Variants in TCAIM observed in about 807,000 individuals in gnomAD.
The protein encoded by TCAIM is T-cell activation inhibitor, mitochondrial.
A neutral mutation model predicts 58.6 loss-of-function variants in TCAIM; 36 were observed. The ratio of observed to expected loss-of-function variants is 0.61; its 90% CI spans 0.47 to 0.81. TCAIM has a LOEUF of 0.81. TCAIM is among the 30% of genes least tolerant of loss of function. The pLI is 0.00. For synonymous variants in TCAIM, 172 were observed against 193.6 expected (o/e 0.89, Z 0.93); for missense variants, 466 against 579.6 (o/e 0.80, Z 2.01).
intron 5 of TCAIM, among the ~76,000 whole-genome samples, chr3:44,372,719 G>T (rs935135544): frequency 2.6e-5 from 4 of 151,386 alleles, no homozygotes; most frequent in Non-Finnish European, 5.9e-5. Context: ...TCAACCTCCC[G>T]AGTAGCTGGG....
Position 44,344,299 on chromosome 3 carries a change from AGAAATGCTTCT to A in TCAIM, c.-45+5483_-45+5493del, listed in dbSNP as rs960498216. On this transcript the variant is annotated intron_variant, in intron 1 of 10. Transcript: ENST00000342649. The stretch of plus-strand genomic sequence containing the variant: ...GGGATGAGCCACCATACCGAGCCTC[AGAAATGCTTCT>A]GAAATGCTTCTGAAATGTGCTACAT... Among the ~76,000 whole-genome samples, 50 of 152,332 alleles carry A rather than the reference AGAAATGCTTCT, an allele frequency of 3.3e-4. 1 individual carries two copies. Among genetic ancestry groups the A allele is most frequent in the East Asian group, 1.2e-3 (6 of 5,164 alleles).
At chr3:44,386,209 C>T (rs1455985829) in intron 5 of TCAIM, among the ~76,000 whole-genome samples, 1 of 54,988 alleles carries the variant, frequency 1.8e-5, no homozygotes, top group Non-Finnish European at 3.2e-5. Flanking sequence ...CCAGAAGCTC[C>T]AAAAAAAAAA....
chr3:44,387,681 G>A (rs1291480168), intron 5 of TCAIM, among the ~76,000 whole-genome samples: 1 of 152,254 alleles, frequency 6.6e-6, no homozygotes, highest in African/African-American at 2.4e-5. Context: ...CTTGGCAGAT[G>A]TGGGATCTGG....
chr3:44,407,970 C>T lies in TCAIM; in HGVS notation c.*288C>T. The T allele has an allele frequency of 4.6e-6, 1 of 218,224 alleles. No homozygotes were observed. Among genetic ancestry groups the T allele is most frequent in the Non-Finnish European group, 8.9e-6 (1 of 112,430 alleles). The allele number at this position is 218,224 out of a possible 1,614,324, so 13.5% of individuals were successfully genotyped here. ...TGGGCCCAGATTGCACCATTGCCCT[C>T]CAGCCTGAGCAACAGAACAAGACCT... On this transcript the variant is annotated 3_prime_UTR_variant, in exon 11 of 11. Coordinates refer to ENST00000342649, the MANE Select transcript of TCAIM (RefSeq NM_173826.4).
At chr3:44,403,579 G>A (rs746386170) in intron 10 of TCAIM, among the ~76,000 whole-genome samples, 4 of 151,970 alleles carry the variant, frequency 2.6e-5, no homozygotes, top group Non-Finnish European at 5.9e-5. Flanking sequence ...ATAACCTATC[G>A]GCTGCTTTTT....
At chr3:44,400,313 A>G in intron 8 of TCAIM, 42 bp from the exon 9 acceptor site, 1 of 1,416,570 alleles carries the variant, frequency 7.1e-7, no homozygotes, top group African/African-American at 1.4e-5. Flanking sequence ...TTATTATAGT[A>G]ACATAAAACT....
At chr3:44,394,956 A>G (rs1210981576) in intron 6 of TCAIM, among the ~76,000 whole-genome samples, 3 of 109,108 alleles carry the variant, frequency 2.7e-5, no homozygotes, top group Admixed American at 1.1e-4. Flanking sequence ...ATATATATAT[A>G]TATGTATATA....
At chr3:44,383,959 A>G (rs1372489439) in intron 5 of TCAIM, among the ~76,000 whole-genome samples, 1 of 152,174 alleles carries the variant, frequency 6.6e-6, no homozygotes, top group African/African-American at 2.4e-5. Flanking sequence ...GTTAGTGATT[A>G]CTAATTAGTA....
chr3:44,355,906 G>A (rs1305734690), intron 2 of TCAIM, among the ~76,000 whole-genome samples: 2 of 152,172 alleles, frequency 1.3e-5, no homozygotes, highest in Admixed American at 1.3e-4. Context: ...AAATGAGAAC[G>A]GAAGCTCAGA....
intron 5 of TCAIM, among the ~76,000 whole-genome samples, chr3:44,372,892 C>T (rs1363166668): frequency 6.6e-6 from 1 of 152,106 alleles, no homozygotes; most frequent in Non-Finnish European, 1.5e-5. Flanking sequence ...CTGCACCCGG[C>T]CCAAAATTTT....
Position 44,341,442 on chromosome 3 carries a change from T to C in TCAIM, c.-45+2608T>C, listed in dbSNP as rs532977106. 1.1e-4 allele frequency: 17 copies of C among 152,352 alleles called. No individual in the cohort carries two copies. In the East Asian group the frequency reaches 3.3e-3, roughly 29 times the overall value. 9.4% of individuals were successfully genotyped at this position (152,352 alleles called of 1,614,324 possible). A position where few individuals can be genotyped will look rare whatever the true frequency, so the allele number is the denominator to read the frequency against. On this transcript the variant is annotated intron_variant, in intron 1 of 10. Coordinates refer to ENST00000342649, the MANE Select transcript of TCAIM (RefSeq NM_173826.4). Reference sequence around the variant, plus strand: ...TAAACAACTAGCTATTTTTTAATTCTGATGAATTAAAAGTATTTTTCTAGA... The same window carrying C: ...TAAACAACTAGCTATTTTTTAATTCCGATGAATTAAAAGTATTTTTCTAGA...
intron 8 of TCAIM, among the ~76,000 whole-genome samples, chr3:44,399,500 G>A (rs1412571457): frequency 1.3e-5 from 2 of 152,058 alleles, no homozygotes; most frequent in African/African-American, 4.8e-5. Flanking sequence ...AAAATCTTAA[G>A]TCCTTAGTGG....
At chr3:44,382,060 A>T (rs1701664007) in intron 5 of TCAIM, among the ~76,000 whole-genome samples, 1 of 152,242 alleles carries the variant, frequency 6.6e-6, no homozygotes, top group Non-Finnish European at 1.5e-5. Context: ...CAAAGCAAGT[A>T]CAGATTTAAT....
intron 5 of TCAIM, among the ~76,000 whole-genome samples, chr3:44,387,671 C>T (rs1701767142): frequency 6.6e-6 from 1 of 152,248 alleles, no homozygotes. Context: ...CTGGCTGGCC[C>T]TTGGCAGATG....
chr3:44,390,707 A>G lies in TCAIM; in HGVS notation c.573-2148A>G, dbSNP rs116918118. 1.1e-4 allele frequency among the ~76,000 whole-genome samples: 17 copies of G among 152,322 alleles called. No homozygotes were observed. In the East Asian group the frequency reaches 3.3e-3, roughly 29 times the overall value. ...AAAAAATGGCCAGGCATGGTGGCTC[A>G]TGCCTATAATCCTAGCATTTTGGCA... On this transcript the variant is annotated intron_variant, in intron 5 of 10. Transcript: ENST00000342649.
At chr3:44,353,552 G>A (rs1411282684) in intron 1 of TCAIM, among the ~76,000 whole-genome samples, 2 of 152,214 alleles carry the variant, frequency 1.3e-5, no homozygotes. Context: ...CCCACTAGCA[G>A]TGAATGAGAG....
In TCAIM at chr3:44,388,939, C is replaced by T. The variant is rs1241317261; in HGVS notation, c.573-3916C>T. On this transcript the variant is annotated intron_variant, in intron 5 of 10. Coordinates refer to ENST00000342649, the MANE Select transcript of TCAIM (RefSeq NM_173826.4). ...ACACCCAACATCTCAGTGCTACATG[C>T]GCTCAGTTACTACTAATCCTCTCAG... is the stretch of plus-strand genomic sequence containing the variant. Among the ~76,000 whole-genome samples, 8 of 152,202 alleles carry T rather than the reference C, an allele frequency of 5.3e-5. No individual in the cohort carries two copies. The East Asian group carries it at 5.8e-4, about 11-fold the overall frequency.
chr3:44,359,933 T>C (rs1701268258), intron 3 of TCAIM: 1 of 152,200 alleles, frequency 6.6e-6, no homozygotes, highest in South Asian at 2.1e-4. Context: ...CTTTAACTTG[T>C]ATTTATTGAC....
At chr3:44,400,972 A>ACC (rs1353060411) in intron 9 of TCAIM, 10 of 547,700 alleles carry the variant, frequency 1.8e-5, no homozygotes, top group Non-Finnish European at 3.2e-5. Flanking sequence ...GCAGCAGGTC[A>ACC]CCCCTGGCAT....
Sources: gnomAD v4.1 joint callset for allele counts (sites outside exome capture counted in the v4.1 genomes callset) on GRCh38, gnomAD v4.1.1 for gene constraint, MANE v1.5 for transcripts, NCBI Gene and HGNC (gene_info 2026-07-23, HGNC 2026-07-21) for gene names.